Variants in CAMTA1 observed in about 807,000 individuals in gnomAD.
CAMTA1 encodes calmodulin-binding transcription activator 1.
Under a neutral mutation model 170.9 loss-of-function variants are expected in CAMTA1, and 27 were observed. The ratio of observed to expected loss-of-function variants is 0.16; its 90% confidence interval spans 0.12 to 0.22. The LOEUF (loss-of-function observed/expected upper bound fraction) is 0.22, where lower values mean the gene tolerates loss of function less well. Ranked by LOEUF, CAMTA1 falls within the 10% of genes least tolerant of loss-of-function variation. CAMTA1 has a pLI of 1.00. For missense variants in CAMTA1, 1,619 were observed against 2,217.2 expected, an observed-to-expected ratio of 0.73 and a Z score of 5.42; for synonymous variants, 833 against 891.5, an observed-to-expected ratio of 0.93 and a Z score of 1.17.
intron 4 of CAMTA1, among the ~76,000 whole-genome samples, chr1:7,148,434 G>GAA (rs1558168531): frequency 2.4e-4 from 36 of 147,492 alleles, no homozygotes; most frequent in Admixed American, 2.4e-3. Flanking sequence ...CTCCCCCCCC[G>GAA]CCACGCTCCC....
chr1:6,930,813 C>T (rs887918783), intron 3 of CAMTA1, among the ~76,000 whole-genome samples: 2 of 152,228 alleles, frequency 1.3e-5, no homozygotes, highest in African/African-American at 4.8e-5. Flanking sequence ...AGCCCCTGCT[C>T]TGGAGCTTGG....
At chr1:6,948,776 T>C (rs1325123376) in intron 3 of CAMTA1, among the ~76,000 whole-genome samples, 1 of 152,176 alleles carries the variant, frequency 6.6e-6, no homozygotes, top group Non-Finnish European at 1.5e-5. Context: ...AGCTCAGAAA[T>C]GGCAGGGTCT....
chr1:6,787,221 A>G (rs1300045666), intron 1 of CAMTA1, among the ~76,000 whole-genome samples: 1 of 152,238 alleles, frequency 6.6e-6, no homozygotes, highest in Non-Finnish European at 1.5e-5. Context: ...AGGAGAAGCC[A>G]TATGCCTTTC....
At chr1:7,358,453 C>A (rs1307900908) in intron 5 of CAMTA1, among the ~76,000 whole-genome samples, 1 of 152,126 alleles carries the variant, frequency 6.6e-6, no homozygotes, top group Non-Finnish European at 1.5e-5. Flanking sequence ...TTGATGTAGT[C>A]ACGCTTAGGT....
chr1:6,978,847 A>T (rs1693934589), intron 3 of CAMTA1, among the ~76,000 whole-genome samples: 1 of 152,114 alleles, frequency 6.6e-6, no homozygotes, highest in Non-Finnish European at 1.5e-5. Context: ...GGTGTTTGGG[A>T]TACAGAGCTG....
rs60335762 is a variant in CAMTA1 at position 7,576,349 on chromosome 1, G to T, written c.511-64051G>T. Among the ~76,000 whole-genome samples, 428 of 152,262 alleles carry T rather than the reference G, an allele frequency of 2.8e-3. 2 individuals carry two copies. The highest frequency in any genetic ancestry group is 9.9e-3 in the African/African-American group (410 of 41,532). On this transcript the variant is annotated intron_variant, in intron 6 of 22. Transcript: ENST00000303635. ...CTGTTACAGACCAAATGTTTGTGTT[G>T]TCTCCCCAAAATTCATACATTAAAA... is the stretch of plus-strand genomic sequence containing the variant.
intron 19 of CAMTA1, among the ~76,000 whole-genome samples, chr1:7,749,409 C>G (rs1312529650): frequency 6.6e-6 from 1 of 152,072 alleles, no homozygotes; most frequent in Non-Finnish European, 1.5e-5. Context: ...GCCTGTAGCT[C>G]TATAGCAGGG....
chr1:7,136,394 T>G (rs1645546987), intron 4 of CAMTA1, among the ~76,000 whole-genome samples: 1 of 152,164 alleles, frequency 6.6e-6, no homozygotes, highest in African/African-American at 2.4e-5. Flanking sequence ...ATTCCTTCTC[T>G]TTTACTCAAG....
chr1:7,546,505 T>C (rs2094695262), intron 6 of CAMTA1, among the ~76,000 whole-genome samples: 2 of 152,208 alleles, frequency 1.3e-5, no homozygotes, highest in Admixed American at 1.3e-4. Context: ...TTCTATTCCT[T>C]TGGGTATATA....
rs79912787 is a variant in CAMTA1, at chr1:7,458,367, G to T, written c.439-9463G>T. 4.3e-3 allele frequency among the ~76,000 whole-genome samples: 658 copies of T among 152,320 alleles called. 4 individuals are homozygous for T. The highest frequency in any genetic ancestry group is 0.015 in the African/African-American group (633 of 41,560). On this transcript the variant is annotated intron_variant, in intron 5 of 22. Transcript: ENST00000303635. ...CTGAGCTGCAGTTCCCACATCTGCA[G>T]AGAGGGATTCATACTACTCTTCCTT...
At chr1:7,586,805 G>A (rs1026783198) in intron 6 of CAMTA1, among the ~76,000 whole-genome samples, 1 of 152,122 alleles carries the variant, frequency 6.6e-6, no homozygotes. Context: ...CCCATGCTGT[G>A]CAGGGGTCAT....
intron 5 of CAMTA1, among the ~76,000 whole-genome samples, chr1:7,326,641 C>A (rs2082698561): frequency 6.6e-6 from 1 of 152,136 alleles, no homozygotes; most frequent in African/African-American, 2.4e-5. Context: ...CAAGTGTTGC[C>A]AGCAAGCACC....
At chr1:6,847,868 A>AT (rs1331596297) in intron 3 of CAMTA1, among the ~76,000 whole-genome samples, 2 of 134,356 alleles carry the variant, frequency 1.5e-5, no homozygotes, top group Non-Finnish European at 3.3e-5. Context: ...GCACCCAGCT[A>AT]ATTTTTTTTT....
intron 6 of CAMTA1, among the ~76,000 whole-genome samples, chr1:7,558,358 G>C (rs568959636): frequency 6.6e-6 from 1 of 152,342 alleles, no homozygotes; most frequent in East Asian, 1.9e-4. Flanking sequence ...TTGAAGGCGG[G>C]GAGCATGGAG....
intron 5 of CAMTA1, among the ~76,000 whole-genome samples, chr1:7,263,423 G>A (rs547252563): frequency 2.6e-4 from 40 of 152,322 alleles, no homozygotes; most frequent in African/African-American, 7.7e-4. Flanking sequence ...GCAAAGCAAC[G>A]CTTTTTACAC....
rs114437074 is a variant in CAMTA1 at position 7,621,886 on chromosome 1, C to T, written c.511-18514C>T. On this transcript the variant is annotated intron_variant, in intron 6 of 22. Coordinates refer to ENST00000303635, the MANE Select transcript of CAMTA1 (RefSeq NM_015215.4). ...TCCTGGCACCAGCTCAGCTCGGCCA[C>T]GTCTCGGCTCCCTGGCGCCTCTAGA... Among the ~76,000 whole-genome samples, 781 of 152,302 alleles carry T rather than the reference C, an allele frequency of 5.1e-3. 8 individuals carry two copies. The highest frequency in any genetic ancestry group is 0.017 in the African/African-American group (725 of 41,560).
At chr1:7,273,331 A>G (rs747916516) in intron 5 of CAMTA1, among the ~76,000 whole-genome samples, 2 of 152,236 alleles carry the variant, frequency 1.3e-5, no homozygotes, top group Admixed American at 6.5e-5. Flanking sequence ...AACAACTCAA[A>G]TGTCCACCGA....
chr1:7,383,752 T>TTGAAGATGATAAGAATGA lies in CAMTA1; in HGVS notation c.439-84074_439-84057dup, dbSNP rs1454637974. ...GGTGGTGCTGGTGCTGCTGATGTTG[T>TTGAAGATGATAAGAATGA]TGAAGATGATAAGAATGATGATGAG... On this transcript the variant is annotated intron_variant, in intron 5 of 22. Transcript: ENST00000303635. 5.3e-5 allele frequency among the ~76,000 whole-genome samples: 8 copies of TTGAAGATGATAAGAATGA among 151,840 alleles called. 2 individuals carry two copies. Among genetic ancestry groups the TTGAAGATGATAAGAATGA allele is most frequent in the African/African-American group, 1.9e-4 (8 of 41,314 alleles).
intron 22 of CAMTA1, among the ~76,000 whole-genome samples, chr1:7,758,747 A>G (rs1044153997): frequency 5.3e-5 from 8 of 152,074 alleles, no homozygotes; most frequent in African/African-American, 1.9e-4. Context: ...CATCCTGGCT[A>G]ACATGGTGAA....
Sources: allele counts gnomAD v4.1 joint callset (sites outside exome capture counted in the v4.1 genomes callset), GRCh38; gene constraint gnomAD v4.1.1; transcripts MANE v1.5; gene names NCBI Gene and HGNC (gene_info 2026-07-23, HGNC 2026-07-21).